The following USP32 variants were observed in gnomAD, a reference collection of about 807,000 sequenced individuals.
The protein encoded by USP32 is ubiquitin specific peptidase 32, also known as ubiquitin carboxyl-terminal hydrolase 32.
In USP32, 59 loss-of-function variants were observed where a neutral mutation model predicts 204.8. That is an observed-to-expected ratio of 0.29 (90% confidence interval 0.23 to 0.36). USP32 has a LOEUF of 0.36. Among genes scored for constraint, USP32 ranks in the 10% least tolerant of loss-of-function variants. USP32 has a pLI of 1.00. For missense variants in USP32, 1,160 were observed against 1,946.4 expected (o/e 0.60, Z 7.60); for synonymous variants, 517 against 678.4 (o/e 0.76, Z 3.70).
chr17:60,297,429 T>C (rs1163919080), intron 3 of USP32, among the ~76,000 whole-genome samples: 3 of 149,946 alleles, frequency 2.0e-5, no homozygotes, highest in Non-Finnish European at 2.9e-5. Flanking sequence ...TTCTAACTGC[T>C]ACAATGTTTT....
chr17:60,348,105 G>C (rs940427383), intron 1 of USP32, among the ~76,000 whole-genome samples: 2 of 150,528 alleles, frequency 1.3e-5, no homozygotes, highest in Admixed American at 6.6e-5. Context: ...CTGGGCAACA[G>C]AGCGAGACCC....
rs921903668 is a variant in USP32 at position 60,177,599 on chromosome 17, G to A, written c.*1656C>T. Among the ~76,000 whole-genome samples, 5 of 152,154 alleles carry A rather than the reference G, an allele frequency of 3.3e-5. No homozygotes were observed. Among genetic ancestry groups the A allele is most frequent in the Non-Finnish European group, 7.4e-5 (5 of 68,024 alleles). On this transcript the variant is annotated 3_prime_UTR_variant, in exon 34 of 34. Coordinates refer to ENST00000300896, the MANE Select transcript of USP32 (RefSeq NM_032582.4). The stretch of plus-strand genomic sequence containing the variant: ...TTTAAAATCTTCCACTTTTTAATGG[G>A]AATGGACAGATTTTATATACTGAAA...
Position 60,237,302 on chromosome 17 carries a change from T to C in USP32, c.1137-1062A>G, listed in dbSNP as rs533273284. On this transcript the variant is annotated intron_variant, in intron 11 of 33. Transcript: ENST00000300896. ...ACTACAGGTGTGTGCTATGCCCAGC[T>C]AATTTTTTTTTTTTTTTTTTTTTAA... Among the ~76,000 whole-genome samples, 67 of 135,598 alleles carry C rather than the reference T, an allele frequency of 4.9e-4. 1 individual carries two copies. Among genetic ancestry groups the C allele is most frequent in the African/African-American group, 2.2e-3 (65 of 29,258 alleles). 89.0% of individuals were successfully genotyped at this position (135,598 alleles called of 152,430 possible).
In USP32 at chr17:60,180,577, T is replaced by C; in HGVS notation, c.4609A>G (p.Lys1537Glu). The change falls in exon 33 of 34, where the codon AAG becomes GAG. Residue 1537 changes from lysine (K) to glutamate (E), a missense_variant. By Grantham distance (56) the Lys-to-Glu change is moderately conservative. This residue lies in a region of USP32 where 244 missense variants were observed against 342.3 expected (regional missense o/e 0.71). Transcript: ENST00000300896. ...YVTYAKNPNCKWYCYNDSSCK... is the reference protein window; with the variant it reads ...YVTYAKNPNCEWYCYNDSSCK... ...CTGCTGTCATTGTAACAGTACCACT[T>C]GCAGTTTGGGTTTTTGGCATAAGTG... is the stretch of plus-strand genomic sequence containing the variant. 1 of 1,613,782 alleles carries C rather than the reference T, an allele frequency of 6.2e-7. No individual in the cohort carries two copies. Among genetic ancestry groups the C allele is most frequent in the Admixed American group, 1.7e-5 (1 of 60,004 alleles).
chr17:60,351,192 T>C (rs932204326), intron 1 of USP32, among the ~76,000 whole-genome samples: 10 of 152,074 alleles, frequency 6.6e-5, no homozygotes, highest in Non-Finnish European at 1.3e-4. Context: ...GAGGAGTAGT[T>C]AGACTCTCTG....
chr17:60,401,080 G>T (rs984768964), intron 1 of USP32, among the ~76,000 whole-genome samples: 1 of 151,968 alleles, frequency 6.6e-6, no homozygotes, highest in Non-Finnish European at 1.5e-5. Context: ...GGCTTGAACC[G>T]GGGAGGTAGA....
At chr17:60,421,140 A>G (rs955564147) in intron 1 of USP32, 6 of 158,536 alleles carry the variant, frequency 3.8e-5, no homozygotes, top group Admixed American at 2.0e-4. Flanking sequence ...GCTCTTGCCA[A>G]TATAATTATC....
At chr17:60,396,114 G>A (rs1045646853), upstream of USP32, among the ~76,000 whole-genome samples, 1 of 62,826 alleles carries the variant, frequency 1.6e-5, no homozygotes, top group Non-Finnish European at 2.8e-5. Context: ...GTCTTGCTTT[G>A]TCACCCAAGC....
chr17:60,296,905 G>C (rs747345631), intron 3 of USP32, among the ~76,000 whole-genome samples: 3 of 152,150 alleles, frequency 2.0e-5, no homozygotes, highest in Admixed American at 1.3e-4. Context: ...CTTAAAAACA[G>C]ATACTGGTCA....
At chr17:60,304,666 G>GT (rs1445528367) in intron 2 of USP32, among the ~76,000 whole-genome samples, 1 of 152,114 alleles carries the variant, frequency 6.6e-6, no homozygotes, top group Non-Finnish European at 1.5e-5. Flanking sequence ...GGAATTGGAA[G>GT]TATACTGTTG....
chr17:60,395,539 C>T (rs917321674), upstream of USP32, among the ~76,000 whole-genome samples: 8 of 152,112 alleles, frequency 5.3e-5, no homozygotes, highest in Non-Finnish European at 8.8e-5. Context: ...AGTCTAATAA[C>T]GTAGAAAGTC....
upstream of USP32, among the ~76,000 whole-genome samples, chr17:60,395,910 A>T (rs951059364): frequency 6.6e-6 from 1 of 152,156 alleles, no homozygotes; most frequent in Non-Finnish European, 1.5e-5. Context: ...ATAGAAGTGG[A>T]AAAGCACCTA....
chr17:60,254,659 A>G (rs1045268056), intron 10 of USP32, among the ~76,000 whole-genome samples: 2 of 152,200 alleles, frequency 1.3e-5, no homozygotes, highest in African/African-American at 4.8e-5. Flanking sequence ...TGCTTGCACC[A>G]CAGCACTCCA....
chr17:60,223,751 G>T (rs1490297468), intron 13 of USP32, among the ~76,000 whole-genome samples, 165 bp from the exon 14 acceptor site: 1 of 152,120 alleles, frequency 6.6e-6, no homozygotes, highest in Non-Finnish European at 1.5e-5. Context: ...ATCCTTCTCT[G>T]AACAATACAT....
At chr17:60,370,281 A>C (rs1164129975) in intron 1 of USP32, among the ~76,000 whole-genome samples, 1 of 152,146 alleles carries the variant, frequency 6.6e-6, no homozygotes, top group African/African-American at 2.4e-5. Flanking sequence ...ACAAAAAGAC[A>C]ATGAAAATAA....
chr17:60,328,169 A>G (rs528342085), intron 2 of USP32, among the ~76,000 whole-genome samples: 1 of 152,326 alleles, frequency 6.6e-6, no homozygotes, highest in East Asian at 1.9e-4. Context: ...TTTTCCAGGC[A>G]CAGCAATCCA....
At chr17:60,189,958 A>G (rs1347250696) in intron 29 of USP32, among the ~76,000 whole-genome samples, 7 of 152,146 alleles carry the variant, frequency 4.6e-5, no homozygotes, top group Non-Finnish European at 8.8e-5. Flanking sequence ...GACATGGTTT[A>G]TTTGTCTCCA....
At chr17:60,188,817 G>A (rs1030909169) in intron 29 of USP32, among the ~76,000 whole-genome samples, 5 of 152,182 alleles carry the variant, frequency 3.3e-5, no homozygotes, top group African/African-American at 1.2e-4. Flanking sequence ...TTGTCTACAT[G>A]ACTTTCTAAG....
At chr17:60,203,357 C>T (rs537257489) in intron 26 of USP32, among the ~76,000 whole-genome samples, 52 of 138,480 alleles carry the variant, frequency 3.8e-4, no homozygotes, top group African/African-American at 1.4e-3. Flanking sequence ...GTGGAGATCA[C>T]GCCACTGCAC....
Sources: gnomAD v4.1 joint callset for allele counts (sites outside exome capture counted in the v4.1 genomes callset) on GRCh38, gnomAD v4.1.1 for gene constraint, gnomAD v4.1.1 regional missense constraint, MANE v1.5 for transcripts, NCBI Gene and HGNC (gene_info 2026-07-23, HGNC 2026-07-21) for gene names.